The following FBXL7 variants were observed in gnomAD, a reference collection of about 807,000 sequenced individuals.
The protein encoded by FBXL7 is F-box/LRR-repeat protein 7.
A neutral mutation model predicts 38.3 loss-of-function variants in FBXL7; 12 were observed. That is an observed-to-expected ratio of 0.31 (90% CI 0.20 to 0.51). FBXL7 has a LOEUF of 0.51. FBXL7 is among the 20% of genes least tolerant of loss of function. The pLI, the probability that FBXL7 is intolerant of heterozygous loss-of-function variation, is 0.98. For missense variants in FBXL7, 567 were observed against 676.4 expected, an observed-to-expected ratio of 0.84 and a Z score of 1.79; for synonymous variants, 297 against 300.9, an observed-to-expected ratio of 0.99 and a Z score of 0.13.
chr5:15,716,137 G>A (rs965481197), intron 2 of FBXL7, among the ~76,000 whole-genome samples: 14 of 152,122 alleles, frequency 9.2e-5, no homozygotes, highest in African/African-American at 1.4e-4. Context: ...ACTATAAAAC[G>A]ATGTTTTTGT....
chr5:15,664,644 G>A (rs1394603657), intron 2 of FBXL7, among the ~76,000 whole-genome samples: 1 of 151,290 alleles, frequency 6.6e-6, no homozygotes, highest in African/African-American at 2.4e-5. Flanking sequence ...GCTAATTTTT[G>A]TATTTTTAGT....
At chr5:15,814,894 C>T (rs750499438) in intron 2 of FBXL7, among the ~76,000 whole-genome samples, 36 of 152,080 alleles carry the variant, frequency 2.4e-4, no homozygotes, top group Admixed American at 2.0e-4. Flanking sequence ...AGTGGCCTGG[C>T]GCTGTATGAA....
intron 2 of FBXL7, among the ~76,000 whole-genome samples, chr5:15,793,847 G>A (rs575807858): frequency 2.0e-5 from 3 of 152,192 alleles, no homozygotes; most frequent in South Asian, 4.1e-4. Flanking sequence ...TTTCTGCAGT[G>A]TGTTGTCTTA....
At chr5:15,788,550 G>A (rs1355882997) in intron 2 of FBXL7, among the ~76,000 whole-genome samples, 2 of 152,080 alleles carry the variant, frequency 1.3e-5, no homozygotes, top group African/African-American at 4.8e-5. Context: ...TATTAGATTT[G>A]GTCTCAGCCT....
At chr5:15,903,504 C>T (rs1390755578) in intron 2 of FBXL7, among the ~76,000 whole-genome samples, 1 of 152,098 alleles carries the variant, frequency 6.6e-6, no homozygotes, top group African/African-American at 2.4e-5. Context: ...TAGGGAAACC[C>T]ACAATTTATT....
At position 15,936,806 on chromosome 5, in the gene FBXL7, G is replaced by A. The variant is rs1384577870; in HGVS notation, c.1096G>A (p.Val366Met). 4 of 1,612,750 alleles carry A rather than the reference G, an allele frequency of 2.5e-6. No individual in the cohort carries two copies. The African/African-American group carries it at 5.3e-5, about 22-fold the overall frequency. The change falls in exon 4 of 4, where the codon GTG becomes ATG. Residue 366 changes from valine (V) to methionine (M), a missense_variant. Physicochemically the swap from Val to Met is conservative, Grantham distance 21. Coordinates refer to ENST00000504595, the MANE Select transcript of FBXL7 (RefSeq NM_012304.5). This position sits in a 1 kb window ranked among gnomAD's most constrained non-coding sequence, Gnocchi z 6.0. ...CGCGCACTGCGGCCGGGTCACCGAC[G>A]TGGGCATCCGCTACGTGGCCAAGTA... ...SIAHCGRVTDVGIRYVAKYCS... is the reference protein window; with the variant it reads ...SIAHCGRVTDMGIRYVAKYCS...
At chr5:15,771,854 G>A (rs552674016) in intron 2 of FBXL7, among the ~76,000 whole-genome samples, 65 of 143,790 alleles carry the variant, frequency 4.5e-4, no homozygotes, top group Non-Finnish European at 6.6e-4. Context: ...TGAAACTTCC[G>A]CCTGCTGGGT....
At chr5:15,501,569 C>T (rs2126339191) in intron 1 of FBXL7, 2 of 985,510 alleles carry the variant, frequency 2.0e-6, no homozygotes, top group Non-Finnish European at 2.4e-6. Context: ...TGGAAGAGAC[C>T]GGGTCAGTTT....
chr5:15,566,685 T>C (rs938933898), intron 1 of FBXL7, among the ~76,000 whole-genome samples: 4 of 152,142 alleles, frequency 2.6e-5, no homozygotes, highest in Admixed American at 1.3e-4. Context: ...GAATAAATAA[T>C]ACTAAAAGCA....
chr5:15,678,747 C>T (rs1479282596), intron 2 of FBXL7, among the ~76,000 whole-genome samples: 1 of 152,174 alleles, frequency 6.6e-6, no homozygotes, highest in South Asian at 2.1e-4. Flanking sequence ...TCTCTTGACG[C>T]TCTCATTCTC....
At chr5:15,742,513 G>T (rs961933461) in intron 2 of FBXL7, among the ~76,000 whole-genome samples, 1 of 152,150 alleles carries the variant, frequency 6.6e-6, no homozygotes, top group African/African-American at 2.4e-5. Flanking sequence ...CAGTAAACCT[G>T]TAAAAGCAAT....
At position 15,666,446 on chromosome 5, in the gene FBXL7, C is replaced by T. The variant is rs1303749493; in HGVS notation, c.127+50374C>T. 3.9e-5 allele frequency among the ~76,000 whole-genome samples: 6 copies of T among 152,240 alleles called. No individual in the cohort carries two copies. In the East Asian group the frequency reaches 1.2e-3, roughly 29 times the overall value. On this transcript the variant is annotated intron_variant, in intron 2 of 3. Coordinates refer to ENST00000504595, the MANE Select transcript of FBXL7 (RefSeq NM_012304.5). Reference sequence around the variant, plus strand: ...TTGTGCAAGAAGAAAATGGTGTCAGCTGTACATAGTAAAGCCATGCTAGCT... The same window carrying T: ...TTGTGCAAGAAGAAAATGGTGTCAGTTGTACATAGTAAAGCCATGCTAGCT...
intron 1 of FBXL7, among the ~76,000 whole-genome samples, chr5:15,564,558 T>A (rs1003629204): frequency 2.6e-5 from 4 of 151,850 alleles, no homozygotes; most frequent in Non-Finnish European, 4.4e-5. Context: ...TAGCAGGAAA[T>A]GAAAAAGGAG....
chr5:15,507,529 T>C (rs1561009038), intron 1 of FBXL7, among the ~76,000 whole-genome samples: 1 of 152,218 alleles, frequency 6.6e-6, no homozygotes, highest in Non-Finnish European at 1.5e-5. Context: ...CACTGGTGTC[T>C]CTGAAAGCTG....
rs1314920628 is a variant in FBXL7, at chr5:15,626,800, A to C, written c.127+10728A>C. Among the ~76,000 whole-genome samples, 4 of 152,334 alleles carry C rather than the reference A, an allele frequency of 2.6e-5. No homozygotes were observed. The East Asian group carries it at 7.7e-4, about 29-fold the overall frequency. Reference sequence around the variant, plus strand: ...ATTTCAGCCATAGACATTATGGTTCATCTAAGTACATCTAAGTGTATTTGT... The same window carrying C: ...ATTTCAGCCATAGACATTATGGTTCCTCTAAGTACATCTAAGTGTATTTGT... On this transcript the variant is annotated intron_variant, in intron 2 of 3. Transcript: ENST00000504595.
At chr5:15,775,734 C>T (rs1468669691) in intron 2 of FBXL7, among the ~76,000 whole-genome samples, 2 of 152,088 alleles carry the variant, frequency 1.3e-5, no homozygotes, top group Non-Finnish European at 2.9e-5. Flanking sequence ...GGAATGTCTG[C>T]TGCACATATT....
chr5:15,873,853 A>C (rs1740081366), intron 2 of FBXL7, among the ~76,000 whole-genome samples: 1 of 152,212 alleles, frequency 6.6e-6, no homozygotes, highest in African/African-American at 2.4e-5. Context: ...AGGAGCTGGT[A>C]CCATTCCTTC....
At chr5:15,529,481 G>A (rs1161895323) in intron 1 of FBXL7, among the ~76,000 whole-genome samples, 3 of 151,990 alleles carry the variant, frequency 2.0e-5, no homozygotes, top group African/African-American at 7.2e-5. Flanking sequence ...TGCCCCCTGG[G>A]TTCACGGCAT....
chr5:15,885,580 G>A (rs1049904174), intron 2 of FBXL7, among the ~76,000 whole-genome samples: 6 of 152,148 alleles, frequency 3.9e-5, no homozygotes, highest in Admixed American at 6.5e-5. Flanking sequence ...CCAAAGAAAT[G>A]TTGAAACTCC....
Sources: allele counts gnomAD v4.1 joint callset (sites outside exome capture counted in the v4.1 genomes callset), GRCh38; gene constraint gnomAD v4.1.1; non-coding constraint Gnocchi (gnomAD v3.1); transcripts MANE v1.5; gene names NCBI Gene and HGNC (gene_info 2026-07-23, HGNC 2026-07-21).